CTNNA2: variants seen among roughly 807,000 people sequenced by gnomAD.
The protein encoded by CTNNA2 is catenin alpha 2, also known as catenin alpha-2.
CTNNA2 carries 42 observed loss-of-function variants against 101.0 expected under a neutral mutation model. The ratio of observed to expected loss-of-function variants is 0.42; its 90% confidence interval spans 0.32 to 0.54. CTNNA2 has a LOEUF of 0.54. CTNNA2 is among the 20% of genes least tolerant of loss of function. The pLI is 0.14. For missense variants in CTNNA2, 871 were observed against 1,223.1 expected, an observed-to-expected ratio of 0.71 and a Z score of 4.29; for synonymous variants, 450 against 456.4, an observed-to-expected ratio of 0.99 and a Z score of 0.18.
At chr2:79,589,993 G>A (rs763642719) in intron 1 of CTNNA2, among the ~76,000 whole-genome samples, 5 of 152,184 alleles carry the variant, frequency 3.3e-5, no homozygotes, top group Non-Finnish European at 5.9e-5. Flanking sequence ...TTTGTTTTCC[G>A]TAATTGTTAC....
At chr2:79,411,020 T>G (rs1678403292) in intron 4 of CTNNA2, among the ~76,000 whole-genome samples, 1 of 152,186 alleles carries the variant, frequency 6.6e-6, no homozygotes, top group Admixed American at 6.5e-5. Context: ...CTTCCTGGTT[T>G]TGTCTTGGGA....
At chr2:80,414,649 T>C (rs1472315880) in intron 8 of CTNNA2, among the ~76,000 whole-genome samples, 1 of 152,198 alleles carries the variant, frequency 6.6e-6, no homozygotes, top group East Asian at 1.9e-4. Flanking sequence ...TGGTCTCTGT[T>C]TCACCCAGAT....
At chr2:79,826,399 G>T (rs1678443016) in intron 3 of CTNNA2, among the ~76,000 whole-genome samples, 1 of 152,224 alleles carries the variant, frequency 6.6e-6, no homozygotes, top group South Asian at 2.1e-4. Context: ...GAGGGTAAAT[G>T]TTGTTTCTTA....
chr2:79,884,456 T>G (rs940166184), intron 6 of CTNNA2, among the ~76,000 whole-genome samples: 1 of 152,172 alleles, frequency 6.6e-6, no homozygotes, highest in African/African-American at 2.4e-5. Flanking sequence ...TGTCACTCAC[T>G]CACAAAATTG....
At chr2:79,992,313 G>A (rs563720364) in intron 7 of CTNNA2, among the ~76,000 whole-genome samples, 3 of 151,962 alleles carry the variant, frequency 2.0e-5, no homozygotes, top group African/African-American at 7.3e-5. Flanking sequence ...AAAAAGAAAA[G>A]AAATGATTAT....
At chr2:79,213,113 T>G (rs1454721267) in intron 2 of CTNNA2, among the ~76,000 whole-genome samples, 2 of 152,130 alleles carry the variant, frequency 1.3e-5, no homozygotes, top group African/African-American at 4.8e-5. Flanking sequence ...GGTGGAAGTT[T>G]CAGCAGGGGA....
intron 3 of CTNNA2, among the ~76,000 whole-genome samples, chr2:79,810,444 A>G (rs1477618725): frequency 6.6e-6 from 1 of 151,880 alleles, no homozygotes; most frequent in East Asian, 1.9e-4. Flanking sequence ...ACAACATGAG[A>G]TGAGATTTGG....
At chr2:80,498,604 A>G (rs1271910267) in intron 9 of CTNNA2, among the ~76,000 whole-genome samples, 1 of 152,188 alleles carries the variant, frequency 6.6e-6, no homozygotes, top group Non-Finnish European at 1.5e-5. Context: ...TCATCCAGTA[A>G]AAATTTCATA....
At chr2:79,642,102 A>G (rs1680486867) in intron 1 of CTNNA2, among the ~76,000 whole-genome samples, 1 of 152,218 alleles carries the variant, frequency 6.6e-6, no homozygotes, top group South Asian at 2.1e-4. Context: ...AGGGTATACT[A>G]GTTTGATAAG....
intron 2 of CTNNA2, among the ~76,000 whole-genome samples, chr2:79,290,785 C>T (rs1280872507): frequency 6.6e-6 from 1 of 152,126 alleles, no homozygotes; most frequent in Non-Finnish European, 1.5e-5. Context: ...TTTTTCCACT[C>T]AATAAAACCT....
intron 7 of CTNNA2, among the ~76,000 whole-genome samples, chr2:80,252,541 T>TA (rs1213420042): frequency 6.6e-6 from 1 of 152,174 alleles, no homozygotes; most frequent in Non-Finnish European, 1.5e-5. Context: ...CATGCAGTGA[T>TA]AAAAATAGTT....
At chr2:80,227,315 A>T (rs952854302) in intron 7 of CTNNA2, among the ~76,000 whole-genome samples, 1 of 152,190 alleles carries the variant, frequency 6.6e-6, no homozygotes, top group Non-Finnish European at 1.5e-5. Flanking sequence ...GTGCTGAATG[A>T]TAAGTTTACA....
chr2:79,806,549 G>A (rs571648346), intron 3 of CTNNA2, among the ~76,000 whole-genome samples: 6 of 152,134 alleles, frequency 3.9e-5, no homozygotes, highest in African/African-American at 7.2e-5. Flanking sequence ...CTCATTGTCC[G>A]CAGGTGACTT....
rs562621520 is a variant in CTNNA2 at position 79,964,783 on chromosome 2, C to T, written c.1056+54986C>T. ...TCATTCTTCCCCACCCCTCCAGCCT[C>T]GTTGCTTCTCTTCATTTTACCTGAT... On this transcript the variant is annotated intron_variant, in intron 7 of 18. Coordinates refer to ENST00000402739, the MANE Select transcript of CTNNA2 (RefSeq NM_001282597.3). Among the ~76,000 whole-genome samples the T allele has an allele frequency of 3.8e-4, 58 of 152,258 alleles. 1 individual carries two copies. The highest frequency in any genetic ancestry group is 6.6e-4 in the Non-Finnish European group (45 of 68,018).
At chr2:80,412,133 CA>C (rs762041176) in intron 8 of CTNNA2, among the ~76,000 whole-genome samples, 41 of 152,192 alleles carry the variant, frequency 2.7e-4, no homozygotes, top group Non-Finnish European at 5.7e-4. Flanking sequence ...ATGATCCCAG[CA>C]CTCCCTGGGA....
At chr2:79,655,966 A>G (rs1258909281) in intron 2 of CTNNA2, among the ~76,000 whole-genome samples, 1 of 152,238 alleles carries the variant, frequency 6.6e-6, no homozygotes, top group Non-Finnish European at 1.5e-5. Context: ...ATTTGTTCAC[A>G]TAATACAGTA....
chr2:80,114,251 C>A (rs988147415), intron 7 of CTNNA2, among the ~76,000 whole-genome samples: 1 of 152,124 alleles, frequency 6.6e-6, no homozygotes, highest in South Asian at 2.1e-4. Flanking sequence ...CAATAGGAAT[C>A]GGTTGGGTTC....
chr2:79,973,075 A>G (rs925389511), intron 7 of CTNNA2, among the ~76,000 whole-genome samples: 1 of 152,052 alleles, frequency 6.6e-6, no homozygotes, highest in African/African-American at 2.4e-5. Flanking sequence ...AAGAGAAAAA[A>G]CAATCCGTTT....
intron 4 of CTNNA2, among the ~76,000 whole-genome samples, chr2:79,460,480 A>C (rs1015085645): frequency 6.6e-6 from 1 of 152,210 alleles, no homozygotes; most frequent in African/African-American, 2.4e-5. Flanking sequence ...GTTGCTAAGT[A>C]GTTTTTATTC....
Sources: gnomAD v4.1 joint callset for allele counts (sites outside exome capture counted in the v4.1 genomes callset) on GRCh38, gnomAD v4.1.1 for gene constraint, MANE v1.5 for transcripts, NCBI Gene and HGNC (gene_info 2026-07-23, HGNC 2026-07-21) for gene names.